The following ORC4 variants were observed in gnomAD, a reference collection of about 807,000 sequenced individuals.
ORC4 encodes origin recognition complex subunit 4, also known as origin recognition complex, subunit 4 homolog.
In ORC4, 55 loss-of-function variants were observed where a neutral mutation model predicts 63.9. The observed-to-expected ratio is 0.86, with a 90% confidence interval of 0.69 to 1.08. The LOEUF is 1.08. Among genes scored for constraint, ORC4 ranks in the 50% least tolerant of loss-of-function variants. The pLI, the probability that ORC4 is intolerant of heterozygous loss-of-function variation, is 0.00. For synonymous variants in ORC4, 150 were observed against 168.5 expected (o/e 0.89, Z 0.85); for missense variants, 511 against 504.4 (o/e 1.01, Z -0.13).
intron 1 of ORC4, among the ~76,000 whole-genome samples, chr2:148,013,196 T>C (rs1693079332): frequency 6.6e-6 from 1 of 151,990 alleles, no homozygotes; most frequent in Admixed American, 6.6e-5. Flanking sequence ...TGTCAATCAA[T>C]GGATGGATAA....
rs1278502322 is a variant in ORC4, at chr2:147,932,085, C to CTGA, written c.*3422_*3424dup. The CTGA allele has an allele frequency of 1.4e-4, 21 of 151,752 alleles. No individual in the cohort carries two copies. The highest frequency in any genetic ancestry group is 3.1e-4 in the Non-Finnish European group (21 of 67,892). The allele number at this position is 151,752 out of a possible 1,614,324, so 9.4% of individuals were successfully genotyped here. A position where few individuals can be genotyped will look rare whatever the true frequency, so the allele number is the denominator to read the frequency against. On this transcript the variant is annotated 3_prime_UTR_variant, in exon 14 of 14. Coordinates refer to ENST00000392857, the MANE Select transcript of ORC4 (RefSeq NM_181741.4). The stretch of plus-strand genomic sequence containing the variant: ...CGTCTCAGCCCAAAATCTCCTTAAG[C>CTGA]TGATAAGCAACTTCAGCAAAGTCTC...
At chr2:147,965,969 G>A (rs1028456855) in intron 4 of ORC4, among the ~76,000 whole-genome samples, 4 of 152,112 alleles carry the variant, frequency 2.6e-5, no homozygotes, top group East Asian at 1.9e-4. Flanking sequence ...ACTTTGAGAC[G>A]CCAAGGTGGG....
rs112702716 is a variant in ORC4 at position 147,997,599 on chromosome 2, T to C, written c.-17-21624A>G. On this transcript the variant is annotated intron_variant, in intron 1 of 13. Transcript: ENST00000392857. ...TATAATGAAAACATGTTATCTATGA[T>C]TATTTCTTCTCAAAGTACATGACAA... 1.1e-4 allele frequency among the ~76,000 whole-genome samples: 17 copies of C among 152,254 alleles called. 1 individual carries two copies. Among genetic ancestry groups the C allele is most frequent in the African/African-American group, 3.6e-4 (15 of 41,568 alleles).
intron 1 of ORC4, among the ~76,000 whole-genome samples, chr2:147,994,965 G>A (rs1691852225): frequency 1.3e-5 from 2 of 152,164 alleles, no homozygotes; most frequent in Admixed American, 1.3e-4. Context: ...TGGGGACTTG[G>A]ACAACTTTTC....
At chr2:147,940,790 TATG>T (rs1482941093) in intron 10 of ORC4, among the ~76,000 whole-genome samples, 1 of 152,132 alleles carries the variant, frequency 6.6e-6, no homozygotes, top group Non-Finnish European at 1.5e-5. Flanking sequence ...TTCTCACTGA[TATG>T]ATATGTGGGA....
At position 147,980,054 on chromosome 2, in the gene ORC4, GA is replaced by G. The variant is rs1461146733; in HGVS notation, c.-17-4080del. Among the ~76,000 whole-genome samples the G allele has an allele frequency of 2.0e-5, 3 of 152,170 alleles. No homozygotes were observed. In the East Asian group the frequency reaches 5.8e-4, roughly 29 times the overall value. On this transcript the variant is annotated intron_variant, in intron 1 of 13. Coordinates refer to ENST00000392857, the MANE Select transcript of ORC4 (RefSeq NM_181741.4). ...CTCCAAAAGCAGAAGCAAGAATAAT[GA>G]AAACAGACATAAAACTAAAAAGCTT...
In ORC4 at chr2:147,959,869, A is replaced by G. The variant is rs1018155918; in HGVS notation, c.226-1003T>C. 2.6e-5 allele frequency among the ~76,000 whole-genome samples: 4 copies of G among 152,292 alleles called. No individual in the cohort carries two copies. The East Asian group carries it at 7.7e-4, about 29-fold the overall frequency. On this transcript the variant is annotated intron_variant, in intron 4 of 13. Transcript: ENST00000392857. ...TAATGAGAAGTGACATTTAATGAGA[A>G]GTAACATTAAAGGACTGCATAGAGG... is the stretch of plus-strand genomic sequence containing the variant.
At chr2:148,016,090 G>C (rs1009642244) in intron 1 of ORC4, among the ~76,000 whole-genome samples, 2 of 152,142 alleles carry the variant, frequency 1.3e-5, no homozygotes, top group South Asian at 4.1e-4. Context: ...GAAAAAGCTC[G>C]ATAAGTGGGT....
intron 1 of ORC4, among the ~76,000 whole-genome samples, chr2:148,018,678 A>T: frequency 6.6e-6 from 1 of 152,256 alleles, no homozygotes; most frequent in Admixed American, 6.5e-5. Flanking sequence ...ATACATAATG[A>T]TATGTAATAT....
At chr2:148,018,186 A>G (rs1015130696) in intron 1 of ORC4, among the ~76,000 whole-genome samples, 2 of 152,252 alleles carry the variant, frequency 1.3e-5, no homozygotes, top group East Asian at 3.8e-4. Flanking sequence ...AGAAAGAGGA[A>G]ATTCAAATAG....
chr2:147,994,233 A>T (rs149389933), intron 1 of ORC4, among the ~76,000 whole-genome samples: 1 of 152,348 alleles, frequency 6.6e-6, no homozygotes, highest in East Asian at 1.9e-4. Context: ...AATAAATGAG[A>T]TCATTCAAGA....
intron 1 of ORC4, among the ~76,000 whole-genome samples, chr2:147,981,681 A>G (rs142774402): frequency 2.3e-3 from 353 of 152,342 alleles, no homozygotes; most frequent in African/African-American, 7.9e-3. Context: ...CCATAAATGG[A>G]TAAGATTTTT....
At chr2:148,005,910 A>G (rs943278845) in intron 1 of ORC4, among the ~76,000 whole-genome samples, 2 of 152,072 alleles carry the variant, frequency 1.3e-5, no homozygotes, top group Non-Finnish European at 2.9e-5. Flanking sequence ...CAGGAGGTCA[A>G]TTGAGGCTGG....
chr2:147,968,053 G>T (rs1690000182), intron 4 of ORC4, among the ~76,000 whole-genome samples: 1 of 151,982 alleles, frequency 6.6e-6, no homozygotes, highest in Non-Finnish European at 1.5e-5. Flanking sequence ...CAGGGAAAGG[G>T]CAATTTCTTC....
At chr2:147,935,807 T>TG in intron 13 of ORC4, 109 bp from the exon 14 acceptor site, 1 of 842,992 alleles carries the variant, frequency 1.2e-6, no homozygotes. Flanking sequence ...AACAGAGTAC[T>TG]GGGAAGCAAA....
chr2:147,988,116 G>A (rs1691339311), intron 1 of ORC4, among the ~76,000 whole-genome samples: 1 of 149,646 alleles, frequency 6.7e-6, no homozygotes, highest in African/African-American at 2.5e-5. Flanking sequence ...CAAAAAATAA[G>A]AGCTAAATTA....
chr2:147,972,843 A>G lies in ORC4; in HGVS notation c.135-14T>C, dbSNP rs1329721587. 1.3e-6 allele frequency: 2 copies of G among 1,526,100 alleles called. No individual in the cohort carries two copies. The highest frequency in any genetic ancestry group is 2.3e-5 in the South Asian group (2 of 88,728). The allele number at this position is 1,526,100 out of a possible 1,614,324, so 94.5% of individuals were successfully genotyped here. ...TCACTTAAGTGTCTAAAATGATATA[A>G]ATAGGACAAAATTTTAAAAATGAAG... On this transcript the variant is annotated splice_polypyrimidine_tract_variant and intron_variant, in intron 3 of 13. Coordinates refer to ENST00000392857, the MANE Select transcript of ORC4 (RefSeq NM_181741.4).
intron 10 of ORC4, among the ~76,000 whole-genome samples, chr2:147,941,787 T>A (rs917133938): frequency 2.6e-5 from 4 of 151,794 alleles, no homozygotes; most frequent in Non-Finnish European, 4.4e-5. Context: ...TATATATACA[T>A]ACACACATAC....
At chr2:147,976,384 C>G (rs895214588) in intron 1 of ORC4, among the ~76,000 whole-genome samples, 1 of 152,116 alleles carries the variant, frequency 6.6e-6, no homozygotes, top group Non-Finnish European at 1.5e-5. Flanking sequence ...ACTTAGTAGA[C>G]TAGTATACTG....
Sources: allele counts gnomAD v4.1 joint callset (sites outside exome capture counted in the v4.1 genomes callset), GRCh38; gene constraint gnomAD v4.1.1; transcripts MANE v1.5; gene names NCBI Gene and HGNC (gene_info 2026-07-23, HGNC 2026-07-21).